The following CDH12 variants were observed in gnomAD, a reference collection of about 807,000 sequenced individuals.
CDH12 encodes cadherin 12, also known as cadherin-12.
In CDH12, 41 loss-of-function variants were observed where a neutral mutation model predicts 74.1. The ratio of observed to expected loss-of-function variants is 0.55; its 90% confidence interval spans 0.43 to 0.72. The LOEUF is 0.72. CDH12 is among the 30% of genes least tolerant of loss of function. The pLI, the probability that CDH12 is intolerant of heterozygous loss-of-function variation, is 0.00. For missense variants in CDH12, 945 were observed against 977.2 expected, an observed-to-expected ratio of 0.97 and a Z score of 0.44; for synonymous variants, 399 against 355.0, an observed-to-expected ratio of 1.12 and a Z score of -1.39.
chr5:22,450,874 C>A (rs1745013307), intron 2 of CDH12, among the ~76,000 whole-genome samples: 1 of 129,922 alleles, frequency 7.7e-6, no homozygotes, highest in African/African-American at 2.9e-5. Flanking sequence ...ACCTAATAAG[C>A]CACTTTTTTT....
chr5:22,259,683 C>T (rs543432779), intron 3 of CDH12, among the ~76,000 whole-genome samples: 1 of 151,806 alleles, frequency 6.6e-6, no homozygotes, highest in Non-Finnish European at 1.5e-5. Flanking sequence ...TTCTGTTATT[C>T]TTTCATATAA....
rs544863546 is a variant in CDH12 at position 22,202,039 on chromosome 5, G to A, written c.-187+10459C>T. On this transcript the variant is annotated intron_variant, in intron 4 of 14. Coordinates refer to ENST00000382254, the MANE Select transcript of CDH12 (RefSeq NM_004061.5). ...GGATTAGAGTGCCACTTACTGAGACGGTAAAGAGAGAAGACATAGAAAAGG... is the reference window on the plus strand; with the variant it reads ...GGATTAGAGTGCCACTTACTGAGACAGTAAAGAGAGAAGACATAGAAAAGG... Among the ~76,000 whole-genome samples the A allele has an allele frequency of 3.0e-4, 45 of 152,080 alleles. 1 individual carries two copies. In the South Asian group the frequency reaches 4.1e-3, roughly 14 times the overall value.
rs1353021350 is a variant in CDH12, at chr5:22,529,184, TATATAGAGAG to T, written c.-522-23830_-522-23821del. Among the ~76,000 whole-genome samples, 369 of 83,644 alleles carry T rather than the reference TATATAGAGAG, an allele frequency of 4.4e-3. 9 individuals carry two copies. The highest frequency in any genetic ancestry group is 0.026 in the Middle Eastern group (4 of 154). The allele number at this position is 83,644 out of a possible 152,430, so 54.9% of individuals were successfully genotyped here. On this transcript the variant is annotated intron_variant, in intron 1 of 14. Transcript: ENST00000382254. ...ACATGTGTATATATATATATATATA[TATATAGAGAG>T]AGAGAGAGAGAGAGAGAGAGAGAGA...
intron 10 of CDH12, among the ~76,000 whole-genome samples, chr5:21,788,281 G>A (rs569640833): frequency 6.6e-6 from 1 of 152,240 alleles, no homozygotes; most frequent in Admixed American, 6.5e-5. Context: ...GACATTAGAA[G>A]GCTATATGGA....
chr5:22,585,356 G>A (rs1051427695), intron 1 of CDH12, among the ~76,000 whole-genome samples: 2 of 152,086 alleles, frequency 1.3e-5, no homozygotes, highest in Non-Finnish European at 2.9e-5. Flanking sequence ...GTTTCACAAT[G>A]ATTTCTTTAG....
chr5:22,375,165 A>T (rs1011540978), intron 3 of CDH12, among the ~76,000 whole-genome samples: 5 of 152,094 alleles, frequency 3.3e-5, no homozygotes, highest in Non-Finnish European at 7.4e-5. Flanking sequence ...CGTCCAACTG[A>T]TTTTTGACAA....
At chr5:22,644,543 T>C (rs185633399) in intron 1 of CDH12, among the ~76,000 whole-genome samples, 139 of 152,044 alleles carry the variant, frequency 9.1e-4, no homozygotes, top group Admixed American at 2.9e-3. Context: ...AAAATGAAGC[T>C]AGCACAGGTT....
intron 10 of CDH12, among the ~76,000 whole-genome samples, chr5:21,790,466 A>G (rs1026243482): frequency 1.3e-5 from 2 of 152,096 alleles, no homozygotes; most frequent in African/African-American, 2.4e-5. Flanking sequence ...CACCACTGAG[A>G]TGCAATGAAA....
At chr5:21,891,755 G>T (rs1752910494) in intron 6 of CDH12, among the ~76,000 whole-genome samples, 1 of 152,046 alleles carries the variant, frequency 6.6e-6, no homozygotes, top group African/African-American at 2.4e-5. Context: ...AATATCCCAA[G>T]GTTACAGTTT....
chr5:22,567,227 A>G lies in CDH12; in HGVS notation c.-522-61863T>C, dbSNP rs191645300. Among the ~76,000 whole-genome samples, 45 of 152,264 alleles carry G rather than the reference A, an allele frequency of 3.0e-4. No homozygotes were observed. In the East Asian group the frequency reaches 3.1e-3, roughly 11 times the overall value. ...ATTATCCCAAGGTTTGGAGTTAGCC[A>G]CATTGTATTAGATCCACTTTCAACC... On this transcript the variant is annotated intron_variant, in intron 1 of 14. Transcript: ENST00000382254.
At chr5:21,860,631 C>A (rs1246050146) in intron 6 of CDH12, among the ~76,000 whole-genome samples, 3 of 152,010 alleles carry the variant, frequency 2.0e-5, no homozygotes. Context: ...ATAAAGCAGT[C>A]AGAATAAGGT....
chr5:22,341,675 T>C (rs1739855782), intron 3 of CDH12, among the ~76,000 whole-genome samples: 1 of 152,170 alleles, frequency 6.6e-6, no homozygotes, highest in African/African-American at 2.4e-5. Context: ...AGGCTAGCTA[T>C]TTCAGGCAGA....
intron 6 of CDH12, among the ~76,000 whole-genome samples, chr5:21,913,961 G>C (rs966450778): frequency 3.3e-5 from 5 of 152,110 alleles, no homozygotes; most frequent in Non-Finnish European, 7.4e-5. Flanking sequence ...TGGGTTTACA[G>C]GTGTGACACA....
At chr5:22,746,179 C>T (rs575466453) in intron 1 of CDH12, among the ~76,000 whole-genome samples, 1 of 152,096 alleles carries the variant, frequency 6.6e-6, no homozygotes, top group African/African-American at 2.4e-5. Context: ...GAAGTTGTAT[C>T]TCTGCTGAGT....
rs1746068470 is a variant in CDH12 at position 22,129,561 on chromosome 5, G to A, written c.-186-50699C>T. ...AAAACAAAATTGACAAAAAGTGCAT[G>A]TTGAAATGGAAATTAACAGGTCTTT... is the stretch of plus-strand genomic sequence containing the variant. On this transcript the variant is annotated intron_variant, in intron 4 of 14. Coordinates refer to ENST00000382254, the MANE Select transcript of CDH12 (RefSeq NM_004061.5). 3.9e-5 allele frequency among the ~76,000 whole-genome samples: 6 copies of A among 152,130 alleles called. No individual in the cohort carries two copies. In the South Asian group the frequency reaches 1.2e-3, roughly 31 times the overall value.
chr5:21,883,462 T>G, intron 6 of CDH12: 1 of 1,611,964 alleles, frequency 6.2e-7, no homozygotes, highest in Non-Finnish European at 8.5e-7. Flanking sequence ...TTGAATAGGC[T>G]AAAGGTTGGT....
rs201929884 is a variant in CDH12, at chr5:22,458,790, T to C, written c.-428+46480A>G. On this transcript the variant is annotated intron_variant, in intron 2 of 14. Coordinates refer to ENST00000382254, the MANE Select transcript of CDH12 (RefSeq NM_004061.5). ...TATTAAATGTGAGACTCAAAAGAGT[T>C]TCTTTCAGCTGTTTCTTTTACTCGA... 9.8e-5 allele frequency among the ~76,000 whole-genome samples: 15 copies of C among 152,348 alleles called. No homozygotes were observed. In the East Asian group the frequency reaches 2.9e-3, roughly 29 times the overall value.
intron 5 of CDH12, among the ~76,000 whole-genome samples, chr5:22,058,674 A>G (rs1740930742): frequency 6.6e-6 from 1 of 151,402 alleles, no homozygotes; most frequent in Non-Finnish European, 1.5e-5. Flanking sequence ...AGGAAAGGAG[A>G]AAAAAAGAAA....
chr5:22,116,581 G>A (rs1332776280), intron 4 of CDH12, among the ~76,000 whole-genome samples: 1 of 151,846 alleles, frequency 6.6e-6, no homozygotes, highest in Non-Finnish European at 1.5e-5. Flanking sequence ...CTCCAGCCTG[G>A]GTGACAGAGC....
Sources: gnomAD v4.1 joint callset for allele counts (sites outside exome capture counted in the v4.1 genomes callset) on GRCh38, gnomAD v4.1.1 for gene constraint, MANE v1.5 for transcripts, NCBI Gene and HGNC (gene_info 2026-07-23, HGNC 2026-07-21) for gene names.